Variants in DENND2B observed in about 807,000 individuals in gnomAD.
DENND2B encodes DENN domain containing 2B, also known as DENN domain-containing protein 2B.
Under a neutral mutation model 116.0 loss-of-function variants are expected in DENND2B, and 32 were observed. That is an observed-to-expected ratio of 0.28 (90% CI 0.21 to 0.37). The LOEUF is 0.37. DENND2B is among the 10% of genes least tolerant of loss of function. The pLI is 1.00. For synonymous variants in DENND2B, 588 were observed against 583.9 expected (o/e 1.01, Z -0.10); for missense variants, 1,276 against 1,477.7 (o/e 0.86, Z 2.24).
At chr11:8,877,767 C>T (rs544362371) in intron 2 of DENND2B, among the ~76,000 whole-genome samples, 1 of 152,124 alleles carries the variant, frequency 6.6e-6, no homozygotes, top group South Asian at 2.1e-4. Flanking sequence ...TCCATAGTTC[C>T]CCCCCAAAAA....
chr11:8,806,750 C>T (rs1031847780), intron 1 of DENND2B, among the ~76,000 whole-genome samples: 53 of 152,004 alleles, frequency 3.5e-4, no homozygotes, highest in Admixed American at 1.1e-3. Context: ...GTAGTTCCTC[C>T]GACCCACCTA....
At chr11:8,718,674 G>A (rs2045563193) in intron 4 of DENND2B, 6 of 1,231,584 alleles carry the variant, frequency 4.9e-6, no homozygotes, top group Non-Finnish European at 4.1e-6. Flanking sequence ...AAGGAGTCTG[G>A]GCCAAAGGGT....
intron 2 of DENND2B, among the ~76,000 whole-genome samples, chr11:8,867,944 A>C (rs1396367472): frequency 1.3e-5 from 2 of 152,162 alleles, no homozygotes; most frequent in African/African-American, 4.8e-5. Flanking sequence ...AACTTACCTA[A>C]GATGTTTAGG....
intron 1 of DENND2B, among the ~76,000 whole-genome samples, chr11:8,794,482 A>C (rs544162301): frequency 1.8e-4 from 27 of 152,294 alleles, no homozygotes; most frequent in African/African-American, 6.3e-4. Flanking sequence ...CTCCCTTCCT[A>C]CATTGAAACA....
At chr11:8,818,445 T>C (rs916150289) in intron 4 of DENND2B, among the ~76,000 whole-genome samples, 4 of 152,052 alleles carry the variant, frequency 2.6e-5, no homozygotes, top group Non-Finnish European at 4.4e-5. Context: ...TTTTCTATGA[T>C]CTACCCAAGA....
At chr11:8,751,805 A>G (rs1220553597) in intron 1 of DENND2B, among the ~76,000 whole-genome samples, 2 of 152,226 alleles carry the variant, frequency 1.3e-5, no homozygotes, top group African/African-American at 2.4e-5. Context: ...GAGTTTCCTT[A>G]AACTTCTATC....
chr11:8,707,862 A>G lies in DENND2B; in HGVS notation c.2353-8T>C, dbSNP rs952397624. 6.2e-7 allele frequency: 1 copy of G among 1,605,540 alleles called. No homozygotes were observed. Among genetic ancestry groups the G allele is most frequent in the African/African-American group, 1.3e-5 (1 of 75,034 alleles). Reference sequence around the variant, plus strand: ...GGGCCCTTTCCCACTTGGCTGGGCCAGGACAAGGAGGAGGAGGAGAGAGAC... The same window carrying G: ...GGGCCCTTTCCCACTTGGCTGGGCCGGGACAAGGAGGAGGAGGAGAGAGAC... On this transcript the variant is annotated splice_region_variant and splice_polypyrimidine_tract_variant and intron_variant, in intron 11 of 19. Transcript: ENST00000313726. The surrounding 1 kb of genome is among the most constrained non-coding windows in gnomAD (Gnocchi z 4.8).
At chr11:8,763,391 T>C (rs1438500335) in intron 1 of DENND2B, among the ~76,000 whole-genome samples, 1 of 152,120 alleles carries the variant, frequency 6.6e-6, no homozygotes. Context: ...CTTAGTTTTA[T>C]ACCCATCAGA....
chr11:8,725,499 C>A (rs576757211), intron 4 of DENND2B, among the ~76,000 whole-genome samples: 1 of 152,110 alleles, frequency 6.6e-6, no homozygotes, highest in Non-Finnish European at 1.5e-5. Flanking sequence ...CTCAGCCTCC[C>A]TAGTAGCTGG....
intron 2 of DENND2B, among the ~76,000 whole-genome samples, chr11:8,868,125 T>C (rs2063649344): frequency 6.6e-6 from 1 of 152,220 alleles, no homozygotes; most frequent in Admixed American, 6.5e-5. Context: ...ATTCAGCTCT[T>C]TTCTGATCCA....
chr11:8,711,491 G>A (rs576809863), intron 9 of DENND2B, among the ~76,000 whole-genome samples: 42 of 152,204 alleles, frequency 2.8e-4, no homozygotes, highest in African/African-American at 9.1e-4. Flanking sequence ...AAACAAAGGG[G>A]ACAAGGTCCC....
Position 8,780,089 on chromosome 11 carries a change from T to G in DENND2B, c.-25-29364A>C, listed in dbSNP as rs550913880. On this transcript the variant is annotated intron_variant, in intron 1 of 19. Transcript: ENST00000313726. Reference sequence around the variant, plus strand: ...AGTATGAAATTGTAACTATGGTTCCTGGAAGCCAGGACAACCATCTTTCCT... The same window carrying G: ...AGTATGAAATTGTAACTATGGTTCCGGGAAGCCAGGACAACCATCTTTCCT... Among the ~76,000 whole-genome samples the G allele has an allele frequency of 8.9e-4, 135 of 152,324 alleles. 1 individual carries two copies. Among genetic ancestry groups the G allele is most frequent in the African/African-American group, 3.0e-3 (125 of 41,560 alleles).
At chr11:8,750,227 GGA>G (rs2052113277) in intron 2 of DENND2B, among the ~76,000 whole-genome samples, 1 of 152,124 alleles carries the variant, frequency 6.6e-6, no homozygotes, top group Non-Finnish European at 1.5e-5. Flanking sequence ...GCTGCTGCTT[GGA>G]GTTTGTGCTA....
At chr11:8,748,809 G>T (rs954460194) in intron 2 of DENND2B, among the ~76,000 whole-genome samples, 1 of 152,126 alleles carries the variant, frequency 6.6e-6, no homozygotes, top group East Asian at 1.9e-4. Context: ...ACACTTAGAA[G>T]TAAGTAGGCA....
chr11:8,859,094 G>A (rs1203396841), intron 2 of DENND2B, among the ~76,000 whole-genome samples: 2 of 152,162 alleles, frequency 1.3e-5, no homozygotes, highest in Non-Finnish European at 2.9e-5. Context: ...CCATAAGCCT[G>A]CACGTCCTAA....
Position 8,879,675 on chromosome 11 carries a change from GA to G in DENND2B, c.-156+1334del, listed in dbSNP as rs200730353. 6.0e-5 allele frequency among the ~76,000 whole-genome samples: 9 copies of G among 151,000 alleles called. No individual in the cohort carries two copies. In the South Asian group the frequency reaches 8.4e-4, roughly 14 times the overall value. Reference sequence around the variant, plus strand: ...AAGAATAAAATATTTGTCCTCTGGAGAAAAAAAAATCACCCGAGAAGCTTTT... The same window carrying G: ...AAGAATAAAATATTTGTCCTCTGGAGAAAAAAAATCACCCGAGAAGCTTTT... On this transcript the variant is annotated intron_variant, in intron 2 of 22. Coordinates refer to the DENND2B transcript ENST00000534127.
intron 1 of DENND2B, among the ~76,000 whole-genome samples, chr11:8,760,849 G>A (rs1490707526): frequency 6.6e-6 from 1 of 152,148 alleles, no homozygotes; most frequent in Non-Finnish European, 1.5e-5. Context: ...TTGCTGGGAG[G>A]TCAGAGGATA....
chr11:8,820,595 GGT>G (rs377558671), intron 4 of DENND2B, among the ~76,000 whole-genome samples: 1 of 151,974 alleles, frequency 6.6e-6, no homozygotes, highest in African/African-American at 2.4e-5. Flanking sequence ...TGTGTGAGAG[GGT>G]GTGTGTGTAT....
At chr11:8,868,754 C>G (rs561605220) in intron 2 of DENND2B, among the ~76,000 whole-genome samples, 1 of 152,332 alleles carries the variant, frequency 6.6e-6, no homozygotes, top group African/African-American at 2.4e-5. Context: ...TCTCCATTCT[C>G]TTGAAAGCTT....
Sources: gnomAD v4.1 joint callset for allele counts (sites outside exome capture counted in the v4.1 genomes callset) on GRCh38, gnomAD v4.1.1 for gene constraint, Gnocchi (gnomAD v3.1) non-coding constraint, MANE v1.5 for transcripts, NCBI Gene and HGNC (gene_info 2026-07-23, HGNC 2026-07-21) for gene names.